The following NHSL1 variants were observed in gnomAD, a reference collection of about 807,000 sequenced individuals.
NHSL1 encodes NHS like 1, also known as NHS-like protein 1.
Under a neutral mutation model 95.0 loss-of-function variants are expected in NHSL1, and 48 were observed. That is an observed-to-expected ratio of 0.51 (90% confidence interval 0.40 to 0.64). The LOEUF is 0.64. Among genes scored for constraint, NHSL1 ranks in the 30% least tolerant of loss-of-function variants. NHSL1 has a pLI of 0.00. For synonymous variants in NHSL1, 783 were observed against 833.9 expected, an observed-to-expected ratio of 0.94 and a Z score of 1.05; for missense variants, 1,971 against 2,077.7, an observed-to-expected ratio of 0.95 and a Z score of 1.00.
intron 1 of NHSL1, among the ~76,000 whole-genome samples, chr6:138,566,258 C>T (rs1350768620): frequency 5.9e-5 from 9 of 151,926 alleles, no homozygotes; most frequent in African/African-American, 1.7e-4. Flanking sequence ...ATTAGCCGGG[C>T]GTGGTGGCGG....
chr6:138,431,470 A>G lies in NHSL1; in HGVS notation c.2875T>C (p.Cys959Arg), dbSNP rs1343166006. 15 of 1,550,952 alleles carry G rather than the reference A, an allele frequency of 9.7e-6. No individual in the cohort carries two copies. Among genetic ancestry groups the G allele is most frequent in the Non-Finnish European group, 1.2e-5 (14 of 1,146,910 alleles). The change falls in exon 6 of 8, where the codon TGC (cysteine) becomes CGC (arginine). Residue 959 changes from cysteine (C) to arginine (R), a missense_variant. Coordinates refer to ENST00000343505, the MANE Select transcript of NHSL1 (RefSeq NM_001144060.2). The surrounding 1 kb of genome is among the most constrained non-coding windows in gnomAD (Gnocchi z 4.0). ...FLPPPPPVTD[C>R]SQGSPLPHSP... ...TGAGGCAGAGGAGAGCCCTGGGAGCAATCTGTGACAGGAGGTGGGGGAGGA... is the reference window on the plus strand; with the variant it reads ...TGAGGCAGAGGAGAGCCCTGGGAGCGATCTGTGACAGGAGGTGGGGGAGGA...
chr6:138,668,468 G>A (rs2114752753), intron 1 of NHSL1, among the ~76,000 whole-genome samples: 1 of 151,928 alleles, frequency 6.6e-6, no homozygotes, highest in East Asian at 1.9e-4. Context: ...AAATTGTTTT[G>A]CTAACTAGCC....
At chr6:138,674,451 T>C (rs936948879) in intron 1 of NHSL1, among the ~76,000 whole-genome samples, 5 of 152,148 alleles carry the variant, frequency 3.3e-5, no homozygotes, top group African/African-American at 1.2e-4. Flanking sequence ...TTAGCTGTTT[T>C]TCCTAATGCT....
Position 138,473,451 on chromosome 6 carries a change from G to A in NHSL1, c.212-18C>T, listed in dbSNP as rs1562306488. ...ATCGCATTCTGCAGAGGGGCACGCA[G>A]GGAGGGGAAGGAGGCCATTAAAAAG... On this transcript the variant is annotated intron_variant, in intron 2 of 7. Transcript: ENST00000343505. 7.1e-7 allele frequency: 1 copy of A among 1,400,590 alleles called. No individual in the cohort carries two copies. Among genetic ancestry groups the A allele is most frequent in the South Asian group, 1.7e-5 (1 of 57,492 alleles). The allele number at this position is 1,400,590 out of a possible 1,614,324, so 86.8% of individuals were successfully genotyped here. A position where few individuals can be genotyped will look rare whatever the true frequency, so the allele number is the denominator to read the frequency against.
In NHSL1 at chr6:138,496,233, T is replaced by C. The variant is rs1460457015; in HGVS notation, c.197A>G (p.Lys66Arg). The stretch of plus-strand genomic sequence containing the variant: ...TGCCATCTTACCCCTCAGTACTGAT[T>C]TGAGGTTGAGCTTGGCTTGGCGGTG... The part of the protein sequence containing the change: ...DLHRQAKLNL[K>R]SVLRECDKLR... Residue 66 changes from lysine (K) to arginine (R), a missense_variant, in exon 2 of 8, where the codon AAA becomes AGA. Coordinates refer to ENST00000343505, the MANE Select transcript of NHSL1 (RefSeq NM_001144060.2). 4 of 1,550,924 alleles carry C rather than the reference T, an allele frequency of 2.6e-6. No individual in the cohort carries two copies.
chr6:138,475,264 G>A (rs1001005949), intron 2 of NHSL1, among the ~76,000 whole-genome samples: 1 of 151,776 alleles, frequency 6.6e-6, no homozygotes, highest in African/African-American at 2.4e-5. Context: ...CTGTCACGCA[G>A]GCTGGAGTGC....
rs190118401 is a variant in NHSL1 at position 138,657,157 on chromosome 6, A to G, written c.96+35319T>C. 2.0e-3 allele frequency among the ~76,000 whole-genome samples: 302 copies of G among 151,646 alleles called. 3 individuals carry two copies. The highest frequency in any genetic ancestry group is 7.1e-3 in the African/African-American group (292 of 41,390). ...GGGTAAACAGACATTTTTTTTCCTC[A>G]TGTAACAGAACGTCCAGTCTGCAGT... On this transcript the variant is annotated intron_variant, in intron 1 of 3. Transcript: ENST00000491526.
chr6:138,496,114 T>C (rs1301330787), intron 2 of NHSL1, 105 bp downstream of exon 2: 1 of 1,219,084 alleles, frequency 8.2e-7, no homozygotes, highest in Non-Finnish European at 1.2e-6. Flanking sequence ...CGTAGCATAC[T>C]ATACATTCAA....
At chr6:138,530,484 T>G (rs984691427) in intron 1 of NHSL1, among the ~76,000 whole-genome samples, 27 of 152,366 alleles carry the variant, frequency 1.8e-4, no homozygotes, top group Admixed American at 5.2e-4. Flanking sequence ...CATGCATGTT[T>G]ATAGCAGCAC....
At chr6:138,471,739 G>A (rs1778764033) in intron 3 of NHSL1, among the ~76,000 whole-genome samples, 1 of 151,944 alleles carries the variant, frequency 6.6e-6, no homozygotes, top group African/African-American at 2.4e-5. Flanking sequence ...AACTAAGAGT[G>A]TAAATTTCAA....
intron 1 of NHSL1, among the ~76,000 whole-genome samples, chr6:138,496,806 G>A (rs1780381542): frequency 6.6e-6 from 1 of 152,094 alleles, no homozygotes; most frequent in African/African-American, 2.4e-5. Context: ...TTTCCTACCA[G>A]GAGGTTTATA....
rs1477110378 is a variant in NHSL1 at position 138,692,486 on chromosome 6, T to TCGGCGGTGGTCCAGGCGCG, written c.67_85dup (p.Val30AlafsTer16). The TCGGCGGTGGTCCAGGCGCG allele has an allele frequency of 4.9e-6, 1 of 202,244 alleles. No homozygotes were observed. Among genetic ancestry groups the TCGGCGGTGGTCCAGGCGCG allele is most frequent in the African/African-American group, 2.4e-5 (1 of 41,622 alleles). 12.5% of individuals were successfully genotyped at this position (202,244 alleles called of 1,614,324 possible). A position where few individuals can be genotyped will look rare whatever the true frequency, so the allele number is the denominator to read the frequency against. ...CCGCCGGCCACTCACGGATTTTCAC[T>TCGGCGGTGGTCCAGGCGCG]CGGCGGTGGTCCAGGCGCGCAGCGG... On this transcript the variant is annotated frameshift_variant, in exon 1 of 4. Coordinates refer to the NHSL1 transcript ENST00000491526. LOFTEE classifies it high-confidence loss of function. This position sits in a 1 kb window ranked among gnomAD's most constrained non-coding sequence, Gnocchi z 4.0.
At chr6:138,437,838 A>T (rs1214490994) in intron 5 of NHSL1, among the ~76,000 whole-genome samples, 1 of 152,228 alleles carries the variant, frequency 6.6e-6, no homozygotes, top group Non-Finnish European at 1.5e-5. Flanking sequence ...AGAAACAGCA[A>T]GGAACTAGAG....
Position 138,430,742 on chromosome 6 carries a change from C to G in NHSL1, c.3603G>C (p.Leu1201=). 4 of 1,551,716 alleles carry G rather than the reference C, an allele frequency of 2.6e-6. No homozygotes were observed. Among genetic ancestry groups the G allele is most frequent in the Non-Finnish European group, 2.6e-6 (3 of 1,147,018 alleles). Residue 1201 remains leucine (L), a synonymous_variant, in exon 6 of 8, where the codon CTG becomes CTC. Coordinates refer to ENST00000343505, the MANE Select transcript of NHSL1 (RefSeq NM_001144060.2). The surrounding 1 kb of genome is among the most constrained non-coding windows in gnomAD (Gnocchi z 4.7). Reference sequence around the variant, plus strand: ...TCTGCGGAGGTGGTACCACCAGGAACAGTTTGGGCTTCTTGGAAATGGGGG... The same window carrying G: ...TCTGCGGAGGTGGTACCACCAGGAAGAGTTTGGGCTTCTTGGAAATGGGGG... ...KPPPISKKPK[L]FLVVPPPQKD...
rs184734522 is a variant in NHSL1, at chr6:138,482,969, A to G, written c.212-9536T>C. 1.1e-3 allele frequency among the ~76,000 whole-genome samples: 169 copies of G among 152,348 alleles called. 1 individual carries two copies. The highest frequency in any genetic ancestry group is 3.6e-3 in the African/African-American group (149 of 41,590). On this transcript the variant is annotated intron_variant, in intron 2 of 7. Coordinates refer to ENST00000343505, the MANE Select transcript of NHSL1 (RefSeq NM_001144060.2). ...TAAAAATACTGCTGAGTCCACTCCC[A>G]TATCTGATTCAGTAGGTCTGGGATG...
At chr6:138,558,110 T>C (rs1206754977) in intron 1 of NHSL1, among the ~76,000 whole-genome samples, 1 of 152,134 alleles carries the variant, frequency 6.6e-6, no homozygotes, top group Non-Finnish European at 1.5e-5. Context: ...CTCTAACCAA[T>C]TACCAGGGTT....
At chr6:138,617,538 G>A (rs940076123) in intron 1 of NHSL1, among the ~76,000 whole-genome samples, 1 of 152,148 alleles carries the variant, frequency 6.6e-6, no homozygotes, top group Non-Finnish European at 1.5e-5. Flanking sequence ...TCCAGTATTT[G>A]TATATAGAGC....
At position 138,498,567 on chromosome 6, in the gene NHSL1, A is replaced by G. The variant is rs1399868577; in HGVS notation, c.58+666T>C. Among the ~76,000 whole-genome samples the G allele has an allele frequency of 2.0e-5, 3 of 152,274 alleles. No individual in the cohort carries two copies. In the East Asian group the frequency reaches 5.8e-4, roughly 29 times the overall value. On this transcript the variant is annotated intron_variant, in intron 1 of 7. Coordinates refer to ENST00000343505, the MANE Select transcript of NHSL1 (RefSeq NM_001144060.2). The stretch of plus-strand genomic sequence containing the variant: ...ACTAAAATAAAATAAACCACCGACT[A>G]TGTAAAAACAAAGCCAAGTAGTTAT...
chr6:138,637,384 A>C (rs1784901294), intron 1 of NHSL1, among the ~76,000 whole-genome samples: 1 of 152,314 alleles, frequency 6.6e-6, no homozygotes, highest in Admixed American at 6.5e-5. Context: ...CCAAAGCAAA[A>C]ATGAACACAT....
Sources: allele counts gnomAD v4.1 joint callset (sites outside exome capture counted in the v4.1 genomes callset), GRCh38; gene constraint gnomAD v4.1.1; non-coding constraint Gnocchi (gnomAD v3.1); transcripts MANE v1.5; gene names NCBI Gene and HGNC (gene_info 2026-07-23, HGNC 2026-07-21).